Variants in SLC25A25 observed in about 807,000 individuals in gnomAD.
SLC25A25 encodes mitochondrial adenyl nucleotide antiporter SLC25A25.
A neutral mutation model predicts 57.7 loss-of-function variants in SLC25A25; 32 were observed. The observed-to-expected ratio is 0.55, with a 90% CI of 0.42 to 0.74. SLC25A25 has a LOEUF of 0.74. Ranked by LOEUF, SLC25A25 falls within the 30% of genes least tolerant of loss-of-function variation. The pLI is 0.00. For synonymous variants in SLC25A25, 306 were observed against 291.2 expected, an observed-to-expected ratio of 1.05 and a Z score of -0.52; for missense variants, 556 against 701.3, an observed-to-expected ratio of 0.79 and a Z score of 2.34.
In SLC25A25 at chr9:128,108,383, G is replaced by A. The variant is rs1047242236; in HGVS notation, c.*939G>A. On this transcript the variant is annotated 3_prime_UTR_variant, in exon 11 of 11. Coordinates refer to ENST00000373069, the MANE Select transcript of SLC25A25 (RefSeq NM_001330988.2). ...ATGAGCGACTTCTGTGCTTCCAGAG[G>A]AAGACGAGGGAGCAGGAGCTTGGCT... 2 of 397,708 alleles carry A rather than the reference G, an allele frequency of 5.0e-6. No homozygotes were observed. Among genetic ancestry groups the A allele is most frequent in the Non-Finnish European group, 4.4e-6 (1 of 225,796 alleles). 24.6% of individuals were successfully genotyped at this position (397,708 alleles called of 1,614,324 possible). A position where few individuals can be genotyped will look rare whatever the true frequency, so the allele number is the denominator to read the frequency against.
In SLC25A25 at chr9:128,101,201, A is replaced by G; in HGVS notation, c.367A>G (p.Ser123Gly). ...GAAGAAGCTGAGGCTGGTGTTTAAG[A>G]GTTTGGACAAAAAGAATGATGGTAA... ...HEKKLRLVFK[S>G]LDKKNDGRID... The change falls in exon 2 of 11, where the codon AGT (serine) becomes GGT (glycine). Residue 123 changes from serine (S) to glycine (G), a missense_variant. Ser to Gly is a moderately conservative substitution (Grantham distance 56). Around this residue, in one of 3 missense-constraint regions of SLC25A25, gnomAD observed 248 missense variants for 273.5 expected, o/e 0.91. Transcript: ENST00000373069. This position sits in a 1 kb window ranked among gnomAD's most constrained non-coding sequence, Gnocchi z 4.9. 1 of 1,614,264 alleles carries G rather than the reference A, an allele frequency of 6.2e-7. No individual in the cohort carries two copies. Among genetic ancestry groups the G allele is most frequent in the Non-Finnish European group, 8.5e-7 (1 of 1,180,050 alleles).
rs1833887577 is a variant in SLC25A25 at position 128,103,382 on chromosome 9, T to C, written c.625-299T>C. Reference sequence around the variant, plus strand: ...CTCACACAGGCCTGTGAGCTGTTCTTGCAGTAGCTCCCTGGCAGCATTGGA... The same window carrying C: ...CTCACACAGGCCTGTGAGCTGTTCTCGCAGTAGCTCCCTGGCAGCATTGGA... On this transcript the variant is annotated intron_variant, in intron 5 of 10. Transcript: ENST00000373069. This position sits in a 1 kb window ranked among gnomAD's most constrained non-coding sequence, Gnocchi z 6.7. Among the ~76,000 whole-genome samples, 1 of 152,232 alleles carries C rather than the reference T, an allele frequency of 6.6e-6. No homozygotes were observed. Among genetic ancestry groups the C allele is most frequent in the South Asian group, 2.1e-4 (1 of 4,838 alleles).
chr9:128,085,700 T>C (rs1212319449), intron 1 of SLC25A25, among the ~76,000 whole-genome samples: 1 of 152,112 alleles, frequency 6.6e-6, no homozygotes, highest in Non-Finnish European at 1.5e-5. Flanking sequence ...CTTTCTAATA[T>C]AGGTATTTCC....
rs1237303823 is a variant in SLC25A25 at position 128,102,171 on chromosome 9, C to T, written c.512+56C>T. On this transcript the variant is annotated intron_variant, in intron 4 of 10. Transcript: ENST00000373069. The surrounding 1 kb of genome is among the most constrained non-coding windows in gnomAD (Gnocchi z 4.1). ...CCTTGACTTCCATGCCTGATCAGAG[C>T]GGGATTCTTGTGGGCCATTATATTG... 7.6e-5 allele frequency: 118 copies of T among 1,543,550 alleles called. No homozygotes were observed. The highest frequency in any genetic ancestry group is 9.5e-5 in the Non-Finnish European group (108 of 1,140,710).
rs531778526 is a variant in SLC25A25 at position 128,106,436 on chromosome 9, G to T, written c.1128G>T (p.Glu376Asp). 4 of 1,613,554 alleles carry T rather than the reference G, an allele frequency of 2.5e-6. No homozygotes were observed. Among genetic ancestry groups the T allele is most frequent in the Non-Finnish European group, 3.4e-6 (4 of 1,179,904 alleles). Residue 376 changes from glutamate to aspartate, a missense_variant, in exon 9 of 11, where the codon GAG (glutamate) becomes GAT (aspartate). Glu to Asp is a conservative substitution (Grantham distance 45). Around this residue, in one of 3 missense-constraint regions of SLC25A25, gnomAD observed 294 missense variants for 389.6 expected, o/e 0.75. Transcript: ENST00000373069. ...GCGCCAGGAGGATCCTGGCCAGAGA[G>T]GGGGTGGCCGCCTTCTACAAAGGCT... ...LDCARRILAREGVAAFYKGYV... is the reference protein window; with the variant it reads ...LDCARRILARDGVAAFYKGYV...
rs560870231 is a variant in SLC25A25, at chr9:128,075,030, C to T, written c.261+6450C>T. 6.6e-5 allele frequency among the ~76,000 whole-genome samples: 10 copies of T among 152,264 alleles called. 1 individual carries two copies. The South Asian group carries it at 2.1e-3, about 32-fold the overall frequency. ...GTATGCCTTTCTGTAGTCCCAGCTA[C>T]TCAAGAGGCTGAGGGAAAATTGCTT... On this transcript the variant is annotated intron_variant, in intron 1 of 10. Coordinates refer to ENST00000373069, the MANE Select transcript of SLC25A25 (RefSeq NM_001330988.2).
chr9:128,088,588 G>A lies in SLC25A25; in HGVS notation c.262-12508G>A, dbSNP rs117968765. Among the ~76,000 whole-genome samples, 185 of 152,292 alleles carry A rather than the reference G, an allele frequency of 1.2e-3. 1 individual carries two copies. In the East Asian group the frequency reaches 0.032, roughly 26 times the overall value. On this transcript the variant is annotated intron_variant, in intron 1 of 10. Coordinates refer to ENST00000373069, the MANE Select transcript of SLC25A25 (RefSeq NM_001330988.2). ...GCAGGAAGCTGGGGCAATGGGAGGC[G>A]CTCCTGGCTTCGTTTGTATACATTG...
chr9:128,071,334 T>C (rs1832903684), intron 1 of SLC25A25, among the ~76,000 whole-genome samples: 1 of 152,220 alleles, frequency 6.6e-6, no homozygotes, highest in African/African-American at 2.4e-5. Context: ...ATCTAAGTTC[T>C]ATGATAGGAA....
rs890781691 is a variant in SLC25A25, at chr9:128,080,229, T to TAA, written c.261+11660_261+11661dup. 2.5e-3 allele frequency among the ~76,000 whole-genome samples: 244 copies of TAA among 97,202 alleles called. 1 individual carries two copies. The highest frequency in any genetic ancestry group is 8.5e-3 in the African/African-American group (232 of 27,394). 63.8% of individuals were successfully genotyped at this position (97,202 alleles called of 152,430 possible). A position where few individuals can be genotyped will look rare whatever the true frequency, so the allele number is the denominator to read the frequency against. On this transcript the variant is annotated intron_variant, in intron 1 of 10. Coordinates refer to ENST00000373069, the MANE Select transcript of SLC25A25 (RefSeq NM_001330988.2). ...CGGGGCAACAGAGTGATACCCCATC[T>TAA]AAAAAAAAAAAACAAAAAAACAAAA...
chr9:128,098,560 C>G, intron 1 of SLC25A25: 1 of 1,608,792 alleles, frequency 6.2e-7, no homozygotes, highest in Non-Finnish European at 8.5e-7. Flanking sequence ...CCCAGCAGGC[C>G]GCCAACATGC....
intron 1 of SLC25A25, among the ~76,000 whole-genome samples, chr9:128,070,950 C>CAAAAAAAAAAAA (rs531221205): frequency 1.7e-5 from 1 of 57,454 alleles, no homozygotes; most frequent in African/African-American, 5.9e-5. Flanking sequence ...AACTCCATCT[C>CAAAAAAAAAAAA]AAAAAAAAAA....
intron 1 of SLC25A25, chr9:128,091,933 CAG>C (rs780159749): frequency 1.2e-6 from 2 of 1,613,750 alleles, no homozygotes; most frequent in East Asian, 2.2e-5. Context: ...GCCACGGCTC[CAG>C]AGAGGGGGAC....
chr9:128,074,827 C>G (rs10987862), intron 1 of SLC25A25, among the ~76,000 whole-genome samples: 24,236 of 152,078 alleles, frequency 0.16, 2,053 homozygotes, highest in South Asian at 0.27. Context: ...TTGGTGAAAC[C>G]CTGTCTCTAC....
At chr9:128,072,061 T>A (rs76184207) in intron 1 of SLC25A25, among the ~76,000 whole-genome samples, 4 of 152,206 alleles carry the variant, frequency 2.6e-5, no homozygotes, top group Non-Finnish European at 5.9e-5. Context: ...CAAATTCAGT[T>A]GTTATACAGC....
At chr9:128,091,576 C>G in intron 1 of SLC25A25, 1 of 1,052,354 alleles carries the variant, frequency 9.5e-7, no homozygotes, top group Non-Finnish European at 1.1e-6. Context: ...AAAAGCCAAA[C>G]GTTTGCTCAC....
rs543107181 is a variant in SLC25A25 at position 128,089,172 on chromosome 9, G to A, written c.262-11924G>A. Among the ~76,000 whole-genome samples, 12 of 152,194 alleles carry A rather than the reference G, an allele frequency of 7.9e-5. No homozygotes were observed. In the East Asian group the frequency reaches 2.3e-3, roughly 29 times the overall value. ...TCCCAAAAGTGCTGGGATTACAGAC[G>A]TGAACCACCACTCCTGGCCAAAGGA... On this transcript the variant is annotated intron_variant, in intron 1 of 10. Transcript: ENST00000373069.
intron 1 of SLC25A25, chr9:128,091,613 T>C: frequency 8.6e-7 from 1 of 1,159,616 alleles, no homozygotes; most frequent in Non-Finnish European, 1.1e-6. Context: ...GAGTTTTTAT[T>C]GAAGAAGCTC....
chr9:128,070,946 A>G (rs1179069175), intron 1 of SLC25A25, among the ~76,000 whole-genome samples: 12 of 101,536 alleles, frequency 1.2e-4, no homozygotes, highest in Admixed American at 2.4e-4. Context: ...GTGAAACTCC[A>G]TCTCAAAAAA....
chr9:128,077,743 C>T (rs936349517), intron 1 of SLC25A25, among the ~76,000 whole-genome samples: 1 of 151,672 alleles, frequency 6.6e-6, no homozygotes, highest in African/African-American at 2.4e-5. Context: ...CGTGAAGATA[C>T]TGAGAACCAC....
Sources: gnomAD v4.1 joint callset for allele counts (sites outside exome capture counted in the v4.1 genomes callset) on GRCh38, gnomAD v4.1.1 for gene constraint, gnomAD v4.1.1 regional missense constraint, Gnocchi (gnomAD v3.1) non-coding constraint, MANE v1.5 for transcripts, NCBI Gene and HGNC (gene_info 2026-07-23, HGNC 2026-07-21) for gene names.